NHS: variants seen among roughly 807,000 people sequenced by gnomAD.
The protein encoded by NHS is actin remodeling regulator NHS.
A neutral mutation model predicts 72.5 loss-of-function variants in NHS; 5 were observed. That is an observed-to-expected ratio of 0.07 (90% CI 0.04 to 0.14). The LOEUF (loss-of-function observed/expected upper bound fraction) is 0.14. NHS is among the 10% of genes least tolerant of loss of function. The pLI is 1.00. For missense variants in NHS, 1,072 were observed against 1,355.7 expected (o/e 0.79, Z 3.29); for synonymous variants, 464 against 547.7 (o/e 0.85, Z 2.13).
intron 1 of NHS, among the ~76,000 whole-genome samples, chrX:17,484,493 C>T (rs1007486036): frequency 6.3e-5 from 7 of 111,689 alleles, no homozygotes; most frequent in Non-Finnish European, 9.4e-5. Flanking sequence ...GGGGCCCACA[C>T]GGGGAAGCAC....
At chrX:17,680,335 C>A (rs1208903086) in intron 1 of NHS, among the ~76,000 whole-genome samples, 1 of 112,378 alleles carries the variant, frequency 8.9e-6, no homozygotes, top group Non-Finnish European at 1.9e-5. Context: ...TGGTTTTTGC[C>A]TCTGCCAAAA....
chrX:17,412,401 C>T lies in NHS; in HGVS notation c.565+36079C>T, dbSNP rs1289662693. ...GTTGAACCCAGGAGTTCAAGACCAG[C>T]CTGGGCAACATGGCAAAACCCCGTC... On this transcript the variant is annotated intron_variant, in intron 1 of 8. Coordinates refer to ENST00000676302, the MANE Select transcript of NHS (RefSeq NM_001291867.2). Among the ~76,000 whole-genome samples the T allele has an allele frequency of 4.5e-5, 5 of 110,032 alleles. No individual in the cohort carries two copies. In the Admixed American group the frequency reaches 4.8e-4, roughly 11 times the overall value.
At chrX:17,632,455 T>A (rs1177962242) in intron 1 of NHS, among the ~76,000 whole-genome samples, 1 of 110,099 alleles carries the variant, frequency 9.1e-6, no homozygotes, top group Admixed American at 9.7e-5. Flanking sequence ...TTTGCATAGA[T>A]CCTAGCCATT....
At chrX:17,437,511 C>T (rs772314375) in intron 1 of NHS, among the ~76,000 whole-genome samples, 15 of 111,542 alleles carry the variant, frequency 1.3e-4, no homozygotes, top group African/African-American at 4.2e-4. Context: ...ACCTTCCCTC[C>T]TTGGGAAATG....
At chrX:17,635,652 G>A in intron 1 of NHS, 2 of 1,108,925 alleles carry the variant, frequency 1.8e-6, no homozygotes, top group African/African-American at 1.8e-5. Context: ...GGGGGAGGCT[G>A]GGTCTAACGA....
chrX:17,431,354 G>A (rs1016616480), intron 1 of NHS, among the ~76,000 whole-genome samples: 7 of 111,592 alleles, frequency 6.3e-5, no homozygotes, highest in Non-Finnish European at 1.1e-4. Context: ...TGTATCTGTG[G>A]GGAACAAAAT....
intron 3 of NHS, among the ~76,000 whole-genome samples, chrX:17,710,541 C>T (rs1387652659): frequency 5.3e-5 from 6 of 112,189 alleles, no homozygotes; most frequent in Non-Finnish European, 7.5e-5. Context: ...CAAATGGTTA[C>T]CTAGTGTATA....
intron 1 of NHS, among the ~76,000 whole-genome samples, chrX:17,454,628 G>A (rs577577455): frequency 1.8e-5 from 2 of 112,078 alleles, no homozygotes; most frequent in South Asian, 3.7e-4. Flanking sequence ...GTGATCTTGC[G>A]GGAGTCATAT....
At chrX:17,415,879 G>T (rs1480471962) in intron 1 of NHS, among the ~76,000 whole-genome samples, 1 of 111,515 alleles carries the variant, frequency 9.0e-6, no homozygotes, top group Non-Finnish European at 1.9e-5. Context: ...GTCTACTTTT[G>T]TTGCCATTTG....
chrX:17,640,789 G>A (rs1485945658), intron 1 of NHS, among the ~76,000 whole-genome samples: 6 of 112,324 alleles, frequency 5.3e-5, no homozygotes, highest in South Asian at 3.7e-4. Context: ...ATTAATTTTC[G>A]AATAAGGATG....
chrX:17,544,500 C>CTGTA (rs1277163291), intron 1 of NHS, among the ~76,000 whole-genome samples: 1 of 111,787 alleles, frequency 8.9e-6, no homozygotes, highest in Non-Finnish European at 1.9e-5. Flanking sequence ...AATAAAAATA[C>CTGTA]TTTATTTATT....
At chrX:17,403,622 G>A (rs2064513172) in intron 1 of NHS, among the ~76,000 whole-genome samples, 1 of 112,457 alleles carries the variant, frequency 8.9e-6, no homozygotes, top group Non-Finnish European at 1.9e-5. Flanking sequence ...ATGTAGCCAT[G>A]CTGTCCACAC....
intron 1 of NHS, among the ~76,000 whole-genome samples, chrX:17,509,587 A>G (rs2065076685): frequency 8.9e-6 from 1 of 112,089 alleles, no homozygotes; most frequent in Non-Finnish European, 1.9e-5. Context: ...ATTTTTACCT[A>G]GGGTTTTCAT....
intron 1 of NHS, among the ~76,000 whole-genome samples, chrX:17,558,118 T>A (rs2065390893): frequency 8.9e-6 from 1 of 112,127 alleles, no homozygotes; most frequent in African/African-American, 3.2e-5. Context: ...GGGGGAGCCC[T>A]TAGAGGCTTG....
At chrX:17,408,074 A>T (rs1183591230) in intron 1 of NHS, among the ~76,000 whole-genome samples, 2 of 110,719 alleles carry the variant, frequency 1.8e-5, no homozygotes, top group African/African-American at 6.6e-5. Flanking sequence ...CAGTGATGTG[A>T]TCTCCTCTCA....
At chrX:17,644,001 AT>A (rs1054236719) in intron 1 of NHS, among the ~76,000 whole-genome samples, 3 of 112,272 alleles carry the variant, frequency 2.7e-5, no homozygotes, top group Non-Finnish European at 5.6e-5. Flanking sequence ...CAGGGACTAT[AT>A]TTTATCTTAT....
At chrX:17,711,653 C>T (rs1046022892) in intron 3 of NHS, among the ~76,000 whole-genome samples, 3 of 111,769 alleles carry the variant, frequency 2.7e-5, no homozygotes, top group Non-Finnish European at 5.6e-5. Context: ...ATTGTCATCG[C>T]CATTCAAGCT....
chrX:17,482,394 TCAGC>T (rs2064949685), intron 1 of NHS, among the ~76,000 whole-genome samples: 1 of 112,353 alleles, frequency 8.9e-6, no homozygotes, highest in Admixed American at 9.5e-5. Context: ...CTGCAATGCT[TCAGC>T]CTAACCAGCA....
At chrX:17,695,509 T>C (rs943890309) in intron 3 of NHS, among the ~76,000 whole-genome samples, 2 of 111,966 alleles carry the variant, frequency 1.8e-5, no homozygotes, top group African/African-American at 6.5e-5. Context: ...AACGAGTGTA[T>C]ATGTATGTGT....
Sources: allele counts gnomAD v4.1 joint callset (sites outside exome capture counted in the v4.1 genomes callset), GRCh38; gene constraint gnomAD v4.1.1; transcripts MANE v1.5; gene names NCBI Gene and HGNC (gene_info 2026-07-23, HGNC 2026-07-21).